Variants in HAPLN1 observed in about 807,000 individuals in gnomAD.
The protein encoded by HAPLN1 is Cartilage link protein.
Under a neutral mutation model 36.5 loss-of-function variants are expected in HAPLN1, and 13 were observed. The ratio of observed to expected loss-of-function variants is 0.36; its 90% CI spans 0.23 to 0.57. The LOEUF (loss-of-function observed/expected upper bound fraction) is 0.57, where lower values mean the gene tolerates loss of function less well. Among genes scored for constraint, HAPLN1 ranks in the 20% least tolerant of loss-of-function variants. The pLI, the probability that HAPLN1 is intolerant of heterozygous loss-of-function variation, is 0.83. For missense variants in HAPLN1, 407 were observed against 439.7 expected (o/e 0.93, Z 0.66); for synonymous variants, 202 against 169.8 (o/e 1.19, Z -1.48).
chr5:83,667,170 C>T (rs1056986924), intron 2 of HAPLN1, among the ~76,000 whole-genome samples: 19 of 152,120 alleles, frequency 1.2e-4, no homozygotes, highest in Non-Finnish European at 1.9e-4. Context: ...TGCATGGGTG[C>T]AATATATGAG....
intron 3 of HAPLN1, among the ~76,000 whole-genome samples, chr5:83,649,986 T>C (rs1725768464): frequency 6.6e-6 from 1 of 152,142 alleles, no homozygotes; most frequent in South Asian, 2.1e-4. Flanking sequence ...CTACATAAGG[T>C]GCTATGAGAA....
intron 1 of HAPLN1, among the ~76,000 whole-genome samples, chr5:83,705,730 T>C (rs2112633702): frequency 6.6e-6 from 1 of 151,706 alleles, no homozygotes; most frequent in East Asian, 1.9e-4. Flanking sequence ...AAATCAGAGC[T>C]AAATGGAAGG....
At chr5:83,691,581 G>T (rs368248937) in intron 1 of HAPLN1, among the ~76,000 whole-genome samples, 20 of 151,938 alleles carry the variant, frequency 1.3e-4, no homozygotes, top group African/African-American at 4.6e-4. Context: ...AGAGTGACCT[G>T]AAAGAATCAA....
chr5:83,707,176 TC>T (rs1053696156), intron 1 of HAPLN1, among the ~76,000 whole-genome samples: 61 of 152,274 alleles, frequency 4.0e-4, no homozygotes, highest in African/African-American at 1.4e-3. Flanking sequence ...ATTTATAGAT[TC>T]ATTGCTATTC....
chr5:83,649,125 C>A (rs561944933), intron 3 of HAPLN1, among the ~76,000 whole-genome samples: 35 of 152,192 alleles, frequency 2.3e-4, no homozygotes, highest in Non-Finnish European at 4.1e-4. Context: ...AGTAAGAAAG[C>A]AAAATAAAAT....
At chr5:83,698,340 T>C (rs1751439169) in intron 1 of HAPLN1, among the ~76,000 whole-genome samples, 1 of 152,060 alleles carries the variant, frequency 6.6e-6, no homozygotes, top group Non-Finnish European at 1.5e-5. Flanking sequence ...TTGTAAGGAG[T>C]ATACTTTCCT....
At chr5:83,656,327 C>CAAAAAAAAAAAAAAAAA (rs35902132) in intron 2 of HAPLN1, among the ~76,000 whole-genome samples, 3 of 59,802 alleles carry the variant, frequency 5.0e-5, no homozygotes, top group East Asian at 6.5e-4. Flanking sequence ...GACTACGTCT[C>CAAAAAAAAAAAAAAAAA]AAAAAAAAAA....
intron 4 of HAPLN1, among the ~76,000 whole-genome samples, chr5:83,643,114 A>T (rs2112551015): frequency 6.6e-6 from 1 of 152,236 alleles, no homozygotes; most frequent in African/African-American, 2.4e-5. Context: ...ATGTGAGGTC[A>T]GGAGTTGGAG....
intron 1 of HAPLN1, among the ~76,000 whole-genome samples, chr5:83,720,556 A>T (rs181114718): frequency 2.2e-4 from 33 of 152,226 alleles, no homozygotes; most frequent in African/African-American, 7.7e-4. Context: ...ACTAGAGTTA[A>T]TTCTTTCTCC....
At position 83,638,635 on chromosome 5, in the gene HAPLN1, C is replaced by T. The variant is rs949483761; in HGVS notation, c.*2861G>A. ...CAAATTGTAATCTCCTTTGAGTCTA[C>T]TTCTAATTGCCAAAATAAAAAGTGA... On this transcript the variant is annotated 3_prime_UTR_variant, in exon 5 of 5. Transcript: ENST00000274341. 6.6e-6 allele frequency: 1 copy of T among 152,022 alleles called. No homozygotes were observed. The highest frequency in any genetic ancestry group is 2.4e-5 in the African/African-American group (1 of 41,424). The allele number at this position is 152,022 out of a possible 1,614,324, so 9.4% of individuals were successfully genotyped here. A position where few individuals can be genotyped will look rare whatever the true frequency, so the allele number is the denominator to read the frequency against.
At chr5:83,706,415 G>C (rs1022526468) in intron 1 of HAPLN1, among the ~76,000 whole-genome samples, 6 of 152,126 alleles carry the variant, frequency 3.9e-5, no homozygotes, top group African/African-American at 9.7e-5. Flanking sequence ...ACGATTTAAG[G>C]CTGGTTCAAC....
chr5:83,656,646 C>T lies in HAPLN1; in HGVS notation c.101-3822G>A, dbSNP rs143205582. ...CTGAAATTTTTTAAAGTGCAATTTA[C>T]AAGTAAATAAATTCCCCATTTCCAT... On this transcript the variant is annotated intron_variant, in intron 2 of 4. Transcript: ENST00000274341. 2.1e-3 allele frequency among the ~76,000 whole-genome samples: 316 copies of T among 152,182 alleles called. 8 individuals are homozygous for T. Among genetic ancestry groups the T allele is most frequent in the African/African-American group, 7.1e-3 (295 of 41,502 alleles).
At chr5:83,679,732 C>A (rs935371498) in intron 1 of HAPLN1, among the ~76,000 whole-genome samples, 1 of 152,084 alleles carries the variant, frequency 6.6e-6, no homozygotes, top group Non-Finnish European at 1.5e-5. Flanking sequence ...GCAATGGGTA[C>A]AATGGAGGAA....
rs79459806 is a variant in HAPLN1, at chr5:83,643,353, TAAA to T, written c.775+1007_775+1009del. On this transcript the variant is annotated intron_variant, in intron 4 of 4. Coordinates refer to ENST00000274341, the MANE Select transcript of HAPLN1 (RefSeq NM_001884.4). ...TGACAGACAGGGTGATACCCTGTCT[TAAA>T]AAAAAAAAAAAAAAAAAAAGATTAT... Among the ~76,000 whole-genome samples, 919 of 111,806 alleles carry T rather than the reference TAAA, an allele frequency of 8.2e-3. 14 individuals carry two copies. Among genetic ancestry groups the T allele is most frequent in the African/African-American group, 0.03 (846 of 28,060 alleles). The allele number at this position is 111,806 out of a possible 152,430, so 73.3% of individuals were successfully genotyped here.
chr5:83,711,117 ATAT>A (rs1751773182), intron 1 of HAPLN1, among the ~76,000 whole-genome samples: 1 of 152,160 alleles, frequency 6.6e-6, no homozygotes, highest in Non-Finnish European at 1.5e-5. Context: ...ATTTAAAAAA[ATAT>A]TATTCTACAA....
chr5:83,664,333 T>C lies in HAPLN1; in HGVS notation c.100+9091A>G, dbSNP rs547845970. On this transcript the variant is annotated intron_variant, in intron 2 of 4. Transcript: ENST00000274341. ...CGTCCTCAATGGCAAACGAACGCCA[T>C]TGGGCCCACTGCCCCCTCAGTGCTC... Among the ~76,000 whole-genome samples the C allele has an allele frequency of 2.2e-5, 3 of 133,684 alleles. 1 individual carries two copies. In the East Asian group the frequency reaches 8.5e-4, roughly 38 times the overall value. The allele number at this position is 133,684 out of a possible 152,430, so 87.7% of individuals were successfully genotyped here.
chr5:83,685,408 T>C (rs1751096884), intron 1 of HAPLN1, among the ~76,000 whole-genome samples: 1 of 152,208 alleles, frequency 6.6e-6, no homozygotes, highest in Non-Finnish European at 1.5e-5. Context: ...TTCTAGATAT[T>C]GTTCAGTACA....
At chr5:83,675,911 C>A (rs575579813) in intron 1 of HAPLN1, among the ~76,000 whole-genome samples, 45 of 152,214 alleles carry the variant, frequency 3.0e-4, no homozygotes, top group African/African-American at 9.4e-4. Flanking sequence ...TCTGTATTTG[C>A]CTTCAAGCAA....
intron 2 of HAPLN1, among the ~76,000 whole-genome samples, chr5:83,661,467 C>T (rs1381966207): frequency 2.3e-5 from 2 of 85,372 alleles, no homozygotes; most frequent in Admixed American, 1.8e-4. Context: ...TTTTTTGAGA[C>T]GGAGTCCTGC....
Sources: gnomAD v4.1 joint callset for allele counts (sites outside exome capture counted in the v4.1 genomes callset) on GRCh38, gnomAD v4.1.1 for gene constraint, MANE v1.5 for transcripts, NCBI Gene and HGNC (gene_info 2026-07-23, HGNC 2026-07-21) for gene names.